Variants in WRAP53 observed in about 807,000 individuals in gnomAD.
WRAP53 encodes the protein WD repeat containing antisense to TP53, also known as telomerase Cajal body protein 1.
In WRAP53, 28 loss-of-function variants were observed where a neutral mutation model predicts 56.6. The ratio of observed to expected loss-of-function variants is 0.50; its 90% CI spans 0.37 to 0.68. The LOEUF (loss-of-function observed/expected upper bound fraction) is 0.68, where lower values mean the gene tolerates loss of function less well. Ranked by LOEUF, WRAP53 falls within the 30% of genes least tolerant of loss-of-function variation. The pLI, the probability that WRAP53 is intolerant of heterozygous loss-of-function variation, is 0.00. For synonymous variants in WRAP53, 283 were observed against 283.4 expected (o/e 1.00, Z 0.01); for missense variants, 671 against 715.5 (o/e 0.94, Z 0.71).
chr17:7,702,948 C>A lies in WRAP53; in HGVS notation c.1269-45C>A. On this transcript the variant is annotated intron_variant, in intron 9 of 10. Coordinates refer to ENST00000396463, the MANE Select transcript of WRAP53 (RefSeq NM_001143992.2). This position sits in a 1 kb window ranked among gnomAD's most constrained non-coding sequence, Gnocchi z 5.0. ...TCCCTGGGTGTGAGGGGTTCCTGCC[C>A]CAGGGGTGAGGCCTCTGCCAGCAAA... The A allele has an allele frequency of 1.2e-6, 2 of 1,613,010 alleles. No homozygotes were observed. Among genetic ancestry groups the A allele is most frequent in the Non-Finnish European group, 1.7e-6 (2 of 1,180,020 alleles).
At chr17:7,700,979 T>A in intron 5 of WRAP53, 150 bp downstream of exon 5, 1 of 167,668 alleles carries the variant, frequency 6.0e-6, no homozygotes, top group East Asian at 1.5e-4. Context: ...CTCCCCTTCC[T>A]TTTTTTTTTT....
intron 4 of WRAP53, among the ~76,000 whole-genome samples, chr17:7,699,475 TTTA>T (rs1567577354): frequency 9.9e-4 from 9 of 9,062 alleles, no homozygotes; most frequent in Non-Finnish European, 1.5e-3. Flanking sequence ...TATATATATA[TTTA>T]TATATATATA....
At chr17:7,699,143 G>A (rs1449643383) in intron 4 of WRAP53, among the ~76,000 whole-genome samples, 3 of 151,456 alleles carry the variant, frequency 2.0e-5, no homozygotes, top group Admixed American at 1.3e-4. Flanking sequence ...TCCTAGGCTG[G>A]GCGCAGTGGC....
At chr17:7,696,987 C>G (rs1158797347) in intron 4 of WRAP53, among the ~76,000 whole-genome samples, 1 of 152,118 alleles carries the variant, frequency 6.6e-6, no homozygotes, top group Non-Finnish European at 1.5e-5. Flanking sequence ...AGACAACTGA[C>G]GAAGGACAGT....
chr17:7,696,075 C>T (rs1391133756), intron 4 of WRAP53, among the ~76,000 whole-genome samples: 1 of 152,018 alleles, frequency 6.6e-6, no homozygotes, highest in Non-Finnish European at 1.5e-5. Flanking sequence ...ACAGGGGCGC[C>T]TTGCTTAGCT....
chr17:7,692,992 C>T (rs1015768538), intron 4 of WRAP53, among the ~76,000 whole-genome samples: 4 of 151,512 alleles, frequency 2.6e-5, no homozygotes, highest in East Asian at 2.0e-4. Context: ...CCTCCTGCCT[C>T]GGCCTCCCAA....
Position 7,688,871 on chromosome 17 carries a change from C to T in WRAP53, c.223C>T (p.Leu75Phe), listed in dbSNP as rs1286670100. 1 of 1,614,100 alleles carries T rather than the reference C, an allele frequency of 6.2e-7. No homozygotes were observed. Among genetic ancestry groups the T allele is most frequent in the East Asian group, 2.2e-5 (1 of 44,896 alleles). Residue 75 changes from leucine (L) to phenylalanine (F), a missense_variant, in exon 2 of 11, where the codon CTC (leucine) becomes TTC (phenylalanine). Around this residue, in one of 3 missense-constraint regions of WRAP53, gnomAD observed 406 missense variants for 418.5 expected, o/e 0.97. Transcript: ENST00000396463. ...GCTACGGGAGGGGGACCCAGTTTCT[C>T]TCTCCACTCCCCTGGAAACAGAGTT... ...QELREGDPVSLSTPLETEFGS... is the reference protein window; with the variant it reads ...QELREGDPVSFSTPLETEFGS...
At chr17:7,693,116 T>C (rs1285386212) in intron 4 of WRAP53, among the ~76,000 whole-genome samples, 1 of 151,928 alleles carries the variant, frequency 6.6e-6, no homozygotes, top group Non-Finnish European at 1.5e-5. Context: ...CTCCCTGCGC[T>C]GGAGCACTCA....
upstream of WRAP53, chr17:7,686,645 G>C (rs1048297290): frequency 2.0e-5 from 3 of 152,210 alleles, no homozygotes; most frequent in African/African-American, 4.8e-5. Context: ...GAGCTGCTCC[G>C]GCAAAAAGAA....
chr17:7,688,072 C>T (rs560280920), upstream of WRAP53: 1 of 160,838 alleles, frequency 6.2e-6, no homozygotes, highest in Non-Finnish European at 1.4e-5. Flanking sequence ...GTGCCTATAT[C>T]AGTGCTGGGT....
rs772621341 is a variant in WRAP53 at position 7,688,828 on chromosome 17, C to T, written c.180C>T (p.Gly60=). The T allele has an allele frequency of 6.2e-7, 1 of 1,612,566 alleles. No homozygotes were observed. Among genetic ancestry groups the T allele is most frequent in the Admixed American group, 1.7e-5 (1 of 59,918 alleles). The change falls in exon 2 of 11, where the codon GGC becomes GGT. Residue 60 remains glycine (G), a synonymous_variant. Transcript: ENST00000396463. ...GGTTGTCCCCAGATCCTGTGGCTGG[C>T]TCAGCTGTGTCCCAGGAGCTACGGG... ...PPRLSPDPVA[G]SAVSQELREG...
Position 7,698,196 on chromosome 17 carries a change from G to A in WRAP53, c.643-2545G>A, listed in dbSNP as rs748540690. ...TGCAAAGTGCATAGCGTAGAGACCA[G>A]TAATTTTACTCTTCAGCAGAAACTG... On this transcript the variant is annotated intron_variant, in intron 4 of 10. Coordinates refer to ENST00000396463, the MANE Select transcript of WRAP53 (RefSeq NM_001143992.2). 4.1e-4 allele frequency among the ~76,000 whole-genome samples: 63 copies of A among 152,272 alleles called. 1 individual carries two copies. Among genetic ancestry groups the A allele is most frequent in the Non-Finnish European group, 7.4e-4 (50 of 68,022 alleles).
intron 4 of WRAP53, among the ~76,000 whole-genome samples, chr17:7,699,454 ATATTTATATATATATATATATT>A (rs2074230654): frequency 1.8e-4 from 9 of 49,544 alleles, no homozygotes; most frequent in African/African-American, 7.7e-4. Context: ...ATATATATAT[ATATTTATATATATATATATATT>A]TATATATATA....
chr17:7,701,887 C>A lies in WRAP53; in HGVS notation c.955+98C>A, dbSNP rs1371365336. ...CGGGGGCCACCTGTGGGGGTTCACG[C>A]CGTCCTCTGTACGGCCCCGGGAGCA... On this transcript the variant is annotated intron_variant, in intron 7 of 10. Coordinates refer to ENST00000396463, the MANE Select transcript of WRAP53 (RefSeq NM_001143992.2). The surrounding 1 kb of genome is among the most constrained non-coding windows in gnomAD (Gnocchi z 4.2). 6.5e-7 allele frequency: 1 copy of A among 1,536,538 alleles called. No homozygotes were observed. The highest frequency in any genetic ancestry group is 8.8e-7 in the Non-Finnish European group (1 of 1,140,300).
chr17:7,701,878 G>A lies in WRAP53; in HGVS notation c.955+89G>A. ...TTTGTGAGCCGGGGGCCACCTGTGG[G>A]GGTTCACGCCGTCCTCTGTACGGCC... On this transcript the variant is annotated intron_variant, in intron 7 of 10. Transcript: ENST00000396463. This position sits in a 1 kb window ranked among gnomAD's most constrained non-coding sequence, Gnocchi z 4.2. The A allele has an allele frequency of 6.5e-7, 1 of 1,546,916 alleles. No homozygotes were observed. Among genetic ancestry groups the A allele is most frequent in the South Asian group, 1.2e-5 (1 of 85,186 alleles).
intron 4 of WRAP53, among the ~76,000 whole-genome samples, chr17:7,693,255 G>A (rs1022871784): frequency 2.7e-5 from 4 of 150,322 alleles, no homozygotes; most frequent in African/African-American, 7.5e-5. Context: ...CTCTTTGCTC[G>A]GTACCCGCTA....
intron 4 of WRAP53, among the ~76,000 whole-genome samples, chr17:7,696,361 C>T (rs1422015671): frequency 1.5e-5 from 2 of 136,086 alleles, no homozygotes; most frequent in East Asian, 2.3e-4. Flanking sequence ...TGCAGTGGCG[C>T]GATCTGGGTT....
At chr17:7,700,908 C>T (rs2074265298) in intron 5 of WRAP53, 79 bp downstream of exon 5, 1 of 1,097,734 alleles carries the variant, frequency 9.1e-7, no homozygotes, top group Non-Finnish European at 1.4e-6. Flanking sequence ...CAAGGGCTGC[C>T]AGGGGTCTTT....
Position 7,701,851 on chromosome 17 carries a change from C to G in WRAP53, c.955+62C>G. 1 of 1,578,278 alleles carries G rather than the reference C, an allele frequency of 6.3e-7. No homozygotes were observed. The highest frequency in any genetic ancestry group is 1.1e-5 in the South Asian group (1 of 87,678). On this transcript the variant is annotated intron_variant, in intron 7 of 10. Transcript: ENST00000396463. The surrounding 1 kb of genome is among the most constrained non-coding windows in gnomAD (Gnocchi z 4.2). ...AGGGCACTGCCACCTGCACAGGGGC[C>G]TTTTGTGAGCCGGGGGCCACCTGTG...
Sources: gnomAD v4.1 joint callset for allele counts (sites outside exome capture counted in the v4.1 genomes callset) on GRCh38, gnomAD v4.1.1 for gene constraint, gnomAD v4.1.1 regional missense constraint, Gnocchi (gnomAD v3.1) non-coding constraint, MANE v1.5 for transcripts, NCBI Gene and HGNC (gene_info 2026-07-23, HGNC 2026-07-21) for gene names.